Variants in NAAA observed in about 807,000 individuals in gnomAD.
NAAA encodes N-acylethanolamine acid amidase, also known as N-acylethanolamine-hydrolyzing acid amidase.
In NAAA, 39 loss-of-function variants were observed where a neutral mutation model predicts 44.8. That is an observed-to-expected ratio of 0.87 (90% CI 0.67 to 1.14). The LOEUF is 1.14. Among genes scored for constraint, NAAA ranks in the 50% most tolerant of loss-of-function variants. The probability of loss-of-function intolerance (pLI) is 0.00; values close to 1 mark genes in which losing one functional copy is unlikely to be tolerated. For missense variants in NAAA, 460 were observed against 467.8 expected, an observed-to-expected ratio of 0.98 and a Z score of 0.15; for synonymous variants, 178 against 191.3, an observed-to-expected ratio of 0.93 and a Z score of 0.58.
At chr4:75,931,448 A>T in intron 3 of NAAA, 144 bp from the exon 4 acceptor site, 1 of 558,516 alleles carries the variant, frequency 1.8e-6, no homozygotes, top group Non-Finnish European at 3.1e-6. Context: ...CTTCTAAGAC[A>T]GAGGTTCTTA....
intron 4 of NAAA, among the ~76,000 whole-genome samples, chr4:75,928,280 G>A (rs778633097): frequency 5.3e-5 from 8 of 152,156 alleles, no homozygotes; most frequent in Non-Finnish European, 8.8e-5. Context: ...CTAGTTGCTG[G>A]GTAGGGAAGG....
At chr4:75,919,588 C>T (rs1725955143) in intron 8 of NAAA, 1 of 411,400 alleles carries the variant, frequency 2.4e-6, no homozygotes, top group African/African-American at 2.1e-5. Context: ...ACGCCATTCT[C>T]CTGCCTCAGC....
chr4:75,933,030 G>C (rs1203036756), intron 3 of NAAA, among the ~76,000 whole-genome samples: 1 of 151,372 alleles, frequency 6.6e-6, no homozygotes, highest in Non-Finnish European at 1.5e-5. Context: ...AGCTACTCGG[G>C]AGGCTAAGGC....
At chr4:75,940,634 G>T in intron 1 of NAAA, 110 bp downstream of exon 1, 1 of 1,222,624 alleles carries the variant, frequency 8.2e-7, no homozygotes, top group Non-Finnish European at 1.1e-6. Flanking sequence ...AGTTCTCCAA[G>T]GGTGGCGGGG....
At chr4:75,939,943 T>A (rs1578094764) in intron 2 of NAAA, 58 bp downstream of exon 2, 1 of 1,589,642 alleles carries the variant, frequency 6.3e-7, no homozygotes, top group Non-Finnish European at 8.6e-7. Flanking sequence ...CTCCCGCTAG[T>A]CTGTGTCGGG....
chr4:75,937,346 G>C (rs1172541120), intron 2 of NAAA, among the ~76,000 whole-genome samples: 3 of 152,214 alleles, frequency 2.0e-5, no homozygotes, highest in Non-Finnish European at 4.4e-5. Context: ...TTGAACCAGG[G>C]AGGCGGAGGT....
At chr4:75,921,954 C>T (rs1190345377) in intron 5 of NAAA, among the ~76,000 whole-genome samples, 1 of 152,174 alleles carries the variant, frequency 6.6e-6, no homozygotes, top group African/African-American at 2.4e-5. Context: ...TGGGCTCCTT[C>T]CTAGAGCTGA....
Position 75,921,126 on chromosome 4 carries a change from G to C in NAAA, c.667-3C>G. On this transcript the variant is annotated splice_region_variant and splice_polypyrimidine_tract_variant and intron_variant, in intron 5 of 10. Transcript: ENST00000286733. ...AAGTTTTCCGACTCACTCAGGGTCT[G>C]AACGAAAGGATGAACTTGCGTGAGC... 6.4e-7 allele frequency: 1 copy of C among 1,564,892 alleles called. No individual in the cohort carries two copies. The highest frequency in any genetic ancestry group is 8.6e-7 in the Non-Finnish European group (1 of 1,161,190).
chr4:75,914,996 T>C lies in NAAA; in HGVS notation c.999-11A>G. ...GTATAAATTGTGAAGCTGAAAATTA[T>C]GAGGAAATTTTATGTACACATCATT... On this transcript the variant is annotated splice_polypyrimidine_tract_variant and intron_variant, in intron 9 of 10. Coordinates refer to ENST00000286733, the MANE Select transcript of NAAA (RefSeq NM_014435.4). 6.3e-7 allele frequency: 1 copy of C among 1,579,474 alleles called. No homozygotes were observed. The highest frequency in any genetic ancestry group is 8.7e-7 in the Non-Finnish European group (1 of 1,148,722).
intron 5 of NAAA, among the ~76,000 whole-genome samples, chr4:75,925,160 C>T (rs1157340294): frequency 1.3e-5 from 2 of 152,082 alleles, no homozygotes; most frequent in East Asian, 3.9e-4. Flanking sequence ...CTTAGCCTCG[C>T]GAGTAGCTGG....
downstream of NAAA, among the ~76,000 whole-genome samples, chr4:75,912,389 C>T (rs1396856153): frequency 6.6e-6 from 1 of 151,862 alleles, no homozygotes; most frequent in Non-Finnish European, 1.5e-5. Flanking sequence ...CCTGTCTCTA[C>T]TAAAAACACC....
chr4:75,912,282 C>T (rs574659950), downstream of NAAA, among the ~76,000 whole-genome samples: 184 of 151,396 alleles, frequency 1.2e-3, 1 homozygote, highest in Non-Finnish European at 2.1e-3. Context: ...AGGCTGGGCG[C>T]GGTGGCTCAC....
chr4:75,924,996 ATTT>A (rs5859484), intron 5 of NAAA, among the ~76,000 whole-genome samples: 1 of 147,424 alleles, frequency 6.8e-6, no homozygotes. Context: ...GCATAACTTC[ATTT>A]TTTTTTTTTG....
rs1188116240 is a variant in NAAA, at chr4:75,929,679, T to A, written c.589+1535A>T. Among the ~76,000 whole-genome samples, 3 of 152,160 alleles carry A rather than the reference T, an allele frequency of 2.0e-5. No homozygotes were observed. The East Asian group carries it at 5.8e-4, about 29-fold the overall frequency. On this transcript the variant is annotated intron_variant, in intron 4 of 10. Coordinates refer to ENST00000286733, the MANE Select transcript of NAAA (RefSeq NM_014435.4). ...GTTGAGAACCAGTACTATACATAGCTGACATATGAGAAAATGTGGAAGAAA... is the reference window on the plus strand; with the variant it reads ...GTTGAGAACCAGTACTATACATAGCAGACATATGAGAAAATGTGGAAGAAA...
intron 3 of NAAA, among the ~76,000 whole-genome samples, chr4:75,933,132 CAA>C (rs59490735): frequency 8.1e-5 from 10 of 123,010 alleles, no homozygotes; most frequent in Admixed American, 8.5e-5. Context: ...GACTCTGTCT[CAA>C]AAAAAAAAAA....
intron 4 of NAAA, among the ~76,000 whole-genome samples, chr4:75,928,761 C>T (rs1282304208): frequency 6.6e-6 from 1 of 151,666 alleles, no homozygotes; most frequent in East Asian, 1.9e-4. Flanking sequence ...ATTTCATCCT[C>T]ATAGCAGCTA....
At chr4:75,918,598 G>A (rs888240535) in intron 9 of NAAA, among the ~76,000 whole-genome samples, 163 bp downstream of exon 9, 2 of 151,448 alleles carry the variant, frequency 1.3e-5, no homozygotes, top group African/African-American at 4.9e-5. Context: ...TGAGAGCAGA[G>A]ACTTTGTTTT....
chr4:75,940,639 G>T, intron 1 of NAAA, 105 bp downstream of exon 1: 1 of 1,236,148 alleles, frequency 8.1e-7, no homozygotes. Context: ...TCCAAGGGTG[G>T]CGGGGAGTAA....
At position 75,915,697 on chromosome 4, in the gene NAAA, G is replaced by C. The variant is rs187451371; in HGVS notation, c.999-712C>G. 1.1e-3 allele frequency among the ~76,000 whole-genome samples: 162 copies of C among 152,232 alleles called. 1 individual carries two copies. The highest frequency in any genetic ancestry group is 0.01 in the Admixed American group (160 of 15,290). On this transcript the variant is annotated intron_variant, in intron 9 of 10. Coordinates refer to ENST00000286733, the MANE Select transcript of NAAA (RefSeq NM_014435.4). The stretch of plus-strand genomic sequence containing the variant: ...AGCAGATTCCTTACACCATGCTTTG[G>C]GGGGGTGGTATCACAACTAGAGGAA...
Sources: gnomAD v4.1 joint callset for allele counts (sites outside exome capture counted in the v4.1 genomes callset) on GRCh38, gnomAD v4.1.1 for gene constraint, MANE v1.5 for transcripts, NCBI Gene and HGNC (gene_info 2026-07-23, HGNC 2026-07-21) for gene names.